KALRN: variants seen among roughly 807,000 people sequenced by gnomAD.
KALRN encodes kalirin.
KALRN carries 70 observed loss-of-function variants against 353.7 expected under a neutral mutation model. The observed-to-expected ratio is 0.20, with a 90% CI of 0.16 to 0.24. The LOEUF is 0.24. KALRN is among the 10% of genes least tolerant of loss of function. The pLI is 1.00. For missense variants in KALRN, 2,791 were observed against 3,756.7 expected (o/e 0.74, Z 6.72); for synonymous variants, 1,391 against 1,434.8 (o/e 0.97, Z 0.69).
chr3:124,388,843 C>T (rs534586750), intron 11 of KALRN, among the ~76,000 whole-genome samples: 5 of 152,282 alleles, frequency 3.3e-5, no homozygotes, highest in African/African-American at 4.8e-5. Context: ...CTGTTTAATA[C>T]CTCTCAAGAC....
chr3:124,286,908 GT>G (rs1240192097), intron 5 of KALRN, among the ~76,000 whole-genome samples: 1 of 152,110 alleles, frequency 6.6e-6, no homozygotes, highest in East Asian at 1.9e-4. Flanking sequence ...AGTGGATATT[GT>G]AGATGATACA....
At chr3:124,576,356 T>C (rs2149207343) in intron 34 of KALRN, among the ~76,000 whole-genome samples, 1 of 152,082 alleles carries the variant, frequency 6.6e-6, no homozygotes, top group South Asian at 2.1e-4. Flanking sequence ...TCTCAGTAAA[T>C]ATTTATAGAA....
In KALRN at chr3:124,266,989, T is replaced by C. The variant is rs560365423; in HGVS notation, c.457-1754T>C. The stretch of plus-strand genomic sequence containing the variant: ...CTGGCCTGCATGTCCCATCTCTCTG[T>C]ACCTCTTTCACTCTAAGTTGAACAA... On this transcript the variant is annotated intron_variant, in intron 4 of 59. Transcript: ENST00000682506. Among the ~76,000 whole-genome samples, 5 of 152,308 alleles carry C rather than the reference T, an allele frequency of 3.3e-5. No homozygotes were observed. The South Asian group carries it at 1.0e-3, about 32-fold the overall frequency.
chr3:124,094,321 A>G (rs1427337248), intron 1 of KALRN, among the ~76,000 whole-genome samples: 1 of 152,232 alleles, frequency 6.6e-6, no homozygotes, highest in East Asian at 1.9e-4. Context: ...AGTGGTCCCT[A>G]CAGTGAGGCA....
At chr3:124,544,702 T>C (rs1211629537) in intron 33 of KALRN, among the ~76,000 whole-genome samples, 1 of 152,176 alleles carries the variant, frequency 6.6e-6, no homozygotes, top group East Asian at 1.9e-4. Context: ...GATTACATCC[T>C]CAAGAATACA....
At chr3:124,413,719 C>T in intron 14 of KALRN, 54 bp downstream of exon 14, 1 of 1,440,526 alleles carries the variant, frequency 6.9e-7, no homozygotes, top group Non-Finnish European at 9.7e-7. Flanking sequence ...ACAAGCATAC[C>T]ATCTAGCCTG....
intron 14 of KALRN, among the ~76,000 whole-genome samples, chr3:124,418,205 T>A (rs2092606709): frequency 6.6e-6 from 1 of 152,220 alleles, no homozygotes; most frequent in South Asian, 2.1e-4. Context: ...GGAATGTGGA[T>A]CTGAGGGGCT....
At chr3:124,537,565 C>G (rs777211826) in intron 33 of KALRN, among the ~76,000 whole-genome samples, 29 of 151,920 alleles carry the variant, frequency 1.9e-4, no homozygotes, top group Non-Finnish European at 4.0e-4. Flanking sequence ...GAACTGGCCT[C>G]GAGGATGGAA....
intron 25 of KALRN, among the ~76,000 whole-genome samples, chr3:124,465,854 T>C (rs1395954215): frequency 1.3e-5 from 2 of 152,150 alleles, no homozygotes; most frequent in South Asian, 2.1e-4. Context: ...GATTGAGAGA[T>C]TGAGAGAGAA....
intron 33 of KALRN, among the ~76,000 whole-genome samples, chr3:124,533,663 CA>C (rs2068257899): frequency 6.6e-6 from 1 of 152,060 alleles, no homozygotes; most frequent in Admixed American, 6.6e-5. Flanking sequence ...AAACCAAAAA[CA>C]AATAAAGAAA....
chr3:124,320,100 G>C lies in KALRN; in HGVS notation c.1093-5880G>C, dbSNP rs147348642. Among the ~76,000 whole-genome samples, 504 of 152,264 alleles carry C rather than the reference G, an allele frequency of 3.3e-3. 3 individuals are homozygous for C. Among genetic ancestry groups the C allele is most frequent in the African/African-American group, 0.011 (439 of 41,568 alleles). On this transcript the variant is annotated intron_variant, in intron 6 of 59. Transcript: ENST00000682506. ...GTCGAGGCAATACTGTTTATATTTT[G>C]TATTAGCTTTTTCATTGAGCATTTG...
intron 1 of KALRN, among the ~76,000 whole-genome samples, chr3:124,176,020 A>G (rs2150154336): frequency 6.6e-6 from 1 of 152,224 alleles, no homozygotes; most frequent in East Asian, 1.9e-4. Flanking sequence ...TTTTAGACCC[A>G]GTAGCCCCCC....
intron 34 of KALRN, among the ~76,000 whole-genome samples, chr3:124,591,744 G>A (rs927399413): frequency 6.6e-6 from 1 of 152,102 alleles, no homozygotes; most frequent in African/African-American, 2.4e-5. Context: ...CCATCCTCAG[G>A]GGACTCCCAG....
At chr3:124,711,351 T>C (rs968318520) in intron 57 of KALRN, among the ~76,000 whole-genome samples, 1 of 152,076 alleles carries the variant, frequency 6.6e-6, no homozygotes, top group African/African-American at 2.4e-5. Flanking sequence ...TGCAAATATA[T>C]GATGAGAAAA....
chr3:124,689,795 C>CA (rs530597369), intron 51 of KALRN, among the ~76,000 whole-genome samples: 3 of 151,940 alleles, frequency 2.0e-5, no homozygotes, highest in South Asian at 4.2e-4. Context: ...TGGTTCATAG[C>CA]AAAAAAAATT....
chr3:124,421,806 G>C (rs1469077018), intron 14 of KALRN, among the ~76,000 whole-genome samples: 1 of 152,174 alleles, frequency 6.6e-6, no homozygotes, highest in Non-Finnish European at 1.5e-5. Context: ...CGTATAAATA[G>C]GAGAACTGGC....
At chr3:124,598,703 C>T (rs1212785315) in intron 34 of KALRN, among the ~76,000 whole-genome samples, 1 of 152,026 alleles carries the variant, frequency 6.6e-6, no homozygotes, top group African/African-American at 2.4e-5. Context: ...AGACAGGTGA[C>T]ATTTGCTCTG....
intron 1 of KALRN, among the ~76,000 whole-genome samples, chr3:124,118,359 A>ACTTC (rs2063652881): frequency 6.6e-6 from 1 of 152,126 alleles, no homozygotes; most frequent in African/African-American, 2.4e-5. Context: ...CTGTGAAGTA[A>ACTTC]ACAGGGAATG....
chr3:124,243,424 G>A (rs570224267), intron 3 of KALRN, among the ~76,000 whole-genome samples: 128 of 152,352 alleles, frequency 8.4e-4, no homozygotes, highest in African/African-American at 2.9e-3. Flanking sequence ...ACTTGGTCAT[G>A]AAGTAACTAT....
Sources: gnomAD v4.1 joint callset for allele counts (sites outside exome capture counted in the v4.1 genomes callset) on GRCh38, gnomAD v4.1.1 for gene constraint, MANE v1.5 for transcripts, NCBI Gene and HGNC (gene_info 2026-07-23, HGNC 2026-07-21) for gene names.